CTNND2: variants seen among roughly 807,000 people sequenced by gnomAD.
CTNND2 encodes catenin delta 2.
In CTNND2, 22 loss-of-function variants were observed where a neutral mutation model predicts 144.4. That is an observed-to-expected ratio of 0.15 (90% CI 0.11 to 0.22). CTNND2 has a LOEUF of 0.22. Ranked by LOEUF, CTNND2 falls within the 10% of genes least tolerant of loss-of-function variation. The probability of loss-of-function intolerance (pLI) is 1.00; values close to 1 mark genes in which losing one functional copy is unlikely to be tolerated. For synonymous variants in CTNND2, 751 were observed against 695.6 expected (o/e 1.08, Z -1.25); for missense variants, 1,353 against 1,618.8 (o/e 0.84, Z 2.82).
chr5:11,325,755 T>C (rs61006555), intron 9 of CTNND2, among the ~76,000 whole-genome samples: 12,786 of 152,102 alleles, frequency 0.084, 1,835 homozygotes, highest in African/African-American at 0.29. Flanking sequence ...TAGAAACCAG[T>C]ACTTTGCAAA....
At chr5:11,219,492 C>T (rs1739556388) in intron 10 of CTNND2, among the ~76,000 whole-genome samples, 1 of 152,172 alleles carries the variant, frequency 6.6e-6, no homozygotes, top group African/African-American at 2.4e-5. Context: ...GAGTAATTCT[C>T]CTCCCTGAAG....
intron 3 of CTNND2, among the ~76,000 whole-genome samples, chr5:11,464,894 G>A (rs1766520614): frequency 6.6e-6 from 1 of 152,128 alleles, no homozygotes; most frequent in African/African-American, 2.4e-5. Context: ...CAATCATTGT[G>A]ATCATATTTA....
At chr5:11,241,401 G>T (rs950017582) in intron 9 of CTNND2, among the ~76,000 whole-genome samples, 2 of 152,188 alleles carry the variant, frequency 1.3e-5, no homozygotes, top group Non-Finnish European at 2.9e-5. Context: ...GACAAGACTG[G>T]AAGGTGAACG....
intron 3 of CTNND2, among the ~76,000 whole-genome samples, chr5:11,515,488 G>A (rs1226200822): frequency 1.3e-5 from 2 of 152,126 alleles, no homozygotes; most frequent in African/African-American, 2.4e-5. Flanking sequence ...ATGGTTAAGA[G>A]GGTTCATGAT....
chr5:11,031,154 C>T (rs1743431769), intron 16 of CTNND2, among the ~76,000 whole-genome samples: 1 of 152,126 alleles, frequency 6.6e-6, no homozygotes, highest in East Asian at 1.9e-4. Context: ...ACGGTGTCAG[C>T]TCTTTAAATC....
intron 16 of CTNND2, among the ~76,000 whole-genome samples, chr5:11,045,374 G>T (rs72729263): frequency 2.0e-4 from 30 of 152,184 alleles, no homozygotes; most frequent in Admixed American, 3.9e-4. Flanking sequence ...CAAGAGGGAG[G>T]GGGGGAAGGT....
At chr5:11,404,589 CAGTATCTGTA>C (rs1366339113) in intron 5 of CTNND2, among the ~76,000 whole-genome samples, 2 of 111,790 alleles carry the variant, frequency 1.8e-5, no homozygotes, top group African/African-American at 6.1e-5. Flanking sequence ...CAGTATCTGT[CAGTATCTGTA>C]TTCTTTTTTT....
chr5:11,805,009 A>C (rs1216480500), intron 1 of CTNND2, among the ~76,000 whole-genome samples: 2 of 152,216 alleles, frequency 1.3e-5, no homozygotes, highest in Non-Finnish European at 2.9e-5. Flanking sequence ...TAATCATTTT[A>C]ATCATTGTGA....
chr5:11,234,886 A>T (rs1359958740), intron 10 of CTNND2, among the ~76,000 whole-genome samples: 2 of 152,180 alleles, frequency 1.3e-5, no homozygotes, highest in Non-Finnish European at 2.9e-5. Flanking sequence ...TGGTATCCGC[A>T]GGAGTTTCAA....
At chr5:11,116,931 C>T (rs928993602) in intron 13 of CTNND2, among the ~76,000 whole-genome samples, 8 of 151,890 alleles carry the variant, frequency 5.3e-5, no homozygotes, top group Admixed American at 1.3e-4. Context: ...TGGTGGTGCA[C>T]GCCTGTAATC....
intron 3 of CTNND2, among the ~76,000 whole-genome samples, chr5:11,416,226 T>C (rs778891993): frequency 6.6e-6 from 1 of 152,216 alleles, no homozygotes; most frequent in Non-Finnish European, 1.5e-5. Context: ...ATTAGATATT[T>C]ATTTTTCTGT....
chr5:10,991,277 G>A lies in CTNND2; in HGVS notation c.3211+1274C>T, dbSNP rs189056119. ...CTGCAACCATCATTCTCGCGGGTAG[G>A]GAGACCACTTTGCTGGGCAATGCTC... On this transcript the variant is annotated intron_variant, in intron 19 of 21. Coordinates refer to ENST00000304623, the MANE Select transcript of CTNND2 (RefSeq NM_001332.4). Among the ~76,000 whole-genome samples the A allele has an allele frequency of 4.0e-3, 607 of 152,296 alleles. 2 individuals are homozygous for A. Among genetic ancestry groups the A allele is most frequent in the Non-Finnish European group, 5.6e-3 (382 of 68,020 alleles).
At chr5:11,476,032 CTATTT>C (rs1767702297) in intron 3 of CTNND2, among the ~76,000 whole-genome samples, 1 of 143,270 alleles carries the variant, frequency 7.0e-6, no homozygotes, top group African/African-American at 2.6e-5. Context: ...GCTAATTTTT[CTATTT>C]TTTTTTTTTT....
chr5:11,617,503 C>T (rs1780635539), intron 2 of CTNND2, among the ~76,000 whole-genome samples: 2 of 152,340 alleles, frequency 1.3e-5, no homozygotes, highest in South Asian at 4.1e-4. Flanking sequence ...CAGGTACACA[C>T]ATTAGAAGTT....
At chr5:11,106,896 T>TG (rs1752478956) in intron 14 of CTNND2, among the ~76,000 whole-genome samples, 1 of 152,172 alleles carries the variant, frequency 6.6e-6, no homozygotes, top group South Asian at 2.1e-4. Flanking sequence ...AGGATACTCC[T>TG]GTCTTCTTTC....
chr5:11,602,523 C>A (rs1779845020), intron 2 of CTNND2, among the ~76,000 whole-genome samples: 1 of 151,632 alleles, frequency 6.6e-6, no homozygotes, highest in Non-Finnish European at 1.5e-5. Flanking sequence ...AGTAGTCTGT[C>A]CAGATGGGAG....
chr5:11,848,063 T>C (rs939705841), intron 1 of CTNND2, among the ~76,000 whole-genome samples: 2 of 152,124 alleles, frequency 1.3e-5, no homozygotes, highest in African/African-American at 4.8e-5. Context: ...CAATTTTCTA[T>C]ACTTCTACAC....
intron 1 of CTNND2, among the ~76,000 whole-genome samples, chr5:11,806,427 C>T (rs961160460): frequency 1.3e-5 from 2 of 152,108 alleles, no homozygotes; most frequent in African/African-American, 4.8e-5. Flanking sequence ...ACTCTAAATA[C>T]AGAATACTAC....
At chr5:11,298,536 T>C (rs1749252535) in intron 9 of CTNND2, among the ~76,000 whole-genome samples, 2 of 152,340 alleles carry the variant, frequency 1.3e-5, no homozygotes. Flanking sequence ...GTAAAATTCC[T>C]TTTCTCCCAA....
Sources: gnomAD v4.1 joint callset for allele counts (sites outside exome capture counted in the v4.1 genomes callset) on GRCh38, gnomAD v4.1.1 for gene constraint, MANE v1.5 for transcripts, NCBI Gene and HGNC (gene_info 2026-07-23, HGNC 2026-07-21) for gene names.